The following EDC3 variants were observed in gnomAD, a reference collection of about 807,000 sequenced individuals.
EDC3 encodes the protein enhancer of mRNA decapping 3, also known as enhancer of mRNA-decapping protein 3.
In EDC3, 20 loss-of-function variants were observed where a neutral mutation model predicts 41.8. The ratio of observed to expected loss-of-function variants is 0.48; its 90% CI spans 0.34 to 0.70. The LOEUF (loss-of-function observed/expected upper bound fraction) is 0.70. EDC3 is among the 30% of genes least tolerant of loss of function. The probability of loss-of-function intolerance (pLI) is 0.01; values close to 1 mark genes in which losing one functional copy is unlikely to be tolerated. For missense variants in EDC3, 444 were observed against 636.8 expected (o/e 0.70, Z 3.26); for synonymous variants, 206 against 243.2 (o/e 0.85, Z 1.42).
intron 1 of EDC3, among the ~76,000 whole-genome samples, chr15:74,678,599 G>A (rs530637449): frequency 1.3e-5 from 2 of 152,224 alleles, no homozygotes; most frequent in South Asian, 4.1e-4. Context: ...AGAAAACACA[G>A]GGGAATGAGG....
Position 74,654,789 on chromosome 15 carries a change from T to TA in EDC3, c.820+943dup, listed in dbSNP as rs938673628. Among the ~76,000 whole-genome samples, 33 of 150,140 alleles carry TA rather than the reference T, an allele frequency of 2.2e-4. 1 individual carries two copies. The highest frequency in any genetic ancestry group is 6.3e-4 in the South Asian group (3 of 4,734). ...TACAACAGAGTCCTACTATTATCTA[T>TA]AAAAAAAAAGCCATGTCTGGCTTTC... is the stretch of plus-strand genomic sequence containing the variant. On this transcript the variant is annotated intron_variant, in intron 4 of 6. Coordinates refer to ENST00000315127, the MANE Select transcript of EDC3 (RefSeq NM_025083.5).
intron 5 of EDC3, chr15:74,638,919 C>T (rs1596301598): frequency 6.6e-6 from 1 of 151,370 alleles, no homozygotes; most frequent in East Asian, 1.9e-4. Flanking sequence ...AACAACAACA[C>T]CCATCTGTCC....
At chr15:74,645,327 G>A (rs1356379577) in intron 4 of EDC3, 1 of 151,718 alleles carries the variant, frequency 6.6e-6, no homozygotes, top group East Asian at 1.9e-4. Context: ...GTTGTGTAGA[G>A]CAATATATAT....
At chr15:74,648,628 G>A (rs989568069) in intron 4 of EDC3, among the ~76,000 whole-genome samples, 3 of 152,152 alleles carry the variant, frequency 2.0e-5, no homozygotes, top group Non-Finnish European at 2.9e-5. Context: ...CCTCACTCAA[G>A]CTTAACTGGA....
At chr15:74,649,301 TA>T (rs1390268549) in intron 4 of EDC3, among the ~76,000 whole-genome samples, 2 of 152,196 alleles carry the variant, frequency 1.3e-5, no homozygotes, top group South Asian at 4.2e-4. Context: ...TTTTTATTTT[TA>T]TTTTTTTGTA....
In EDC3 at chr15:74,671,014, G is replaced by A. The variant is rs1253858020; in HGVS notation, c.484+441C>T. 6.6e-6 allele frequency among the ~76,000 whole-genome samples: 1 copy of A among 151,910 alleles called. No homozygotes were observed. Among genetic ancestry groups the A allele is most frequent in the African/African-American group, 2.4e-5 (1 of 41,362 alleles). On this transcript the variant is annotated intron_variant, in intron 3 of 6. Coordinates refer to ENST00000315127, the MANE Select transcript of EDC3 (RefSeq NM_025083.5). The surrounding 1 kb of genome is among the most constrained non-coding windows in gnomAD (Gnocchi z 4.6). Reference sequence around the variant, plus strand: ...AACTCAAACACTACTACCAACATCAGTAACAGGATTTAAGTTTTTTTTTTT... The same window carrying A: ...AACTCAAACACTACTACCAACATCAATAACAGGATTTAAGTTTTTTTTTTT...
intron 1 of EDC3, 71 bp from the exon 2 acceptor site, chr15:74,675,213 A>C: frequency 7.1e-7 from 1 of 1,414,302 alleles, no homozygotes; most frequent in Non-Finnish European, 9.8e-7. Context: ...CAGCAAATAT[A>C]TCAGGCTCTG....
intron 2 of EDC3, among the ~76,000 whole-genome samples, chr15:74,673,952 A>G (rs2062771974): frequency 6.6e-6 from 1 of 152,184 alleles, no homozygotes; most frequent in African/African-American, 2.4e-5. Flanking sequence ...GAGTAATTCA[A>G]TCTTAACAGG....
chr15:74,667,732 G>T (rs761849788), intron 3 of EDC3, among the ~76,000 whole-genome samples: 10 of 152,108 alleles, frequency 6.6e-5, no homozygotes, highest in Non-Finnish European at 1.3e-4. Context: ...AAATACCCAT[G>T]AGTACATGCT....
intron 3 of EDC3, among the ~76,000 whole-genome samples, chr15:74,660,711 G>T (rs1164601050): frequency 6.6e-6 from 1 of 152,016 alleles, no homozygotes; most frequent in Non-Finnish European, 1.5e-5. Context: ...CTCTTCAGTG[G>T]GTATGTGTTT....
At chr15:74,647,161 C>T (rs1342153858) in intron 4 of EDC3, among the ~76,000 whole-genome samples, 1 of 152,102 alleles carries the variant, frequency 6.6e-6, no homozygotes, top group Non-Finnish European at 1.5e-5. Flanking sequence ...AGGCATGTGC[C>T]ACCACGGATA....
intron 1 of EDC3, among the ~76,000 whole-genome samples, chr15:74,688,839 G>A (rs376615381): frequency 3.3e-5 from 5 of 151,894 alleles, no homozygotes; most frequent in East Asian, 3.9e-4. Context: ...CTGGGGAGGC[G>A]GAGGTTGCAG....
chr15:74,681,703 C>CA (rs2062872491), intron 1 of EDC3, among the ~76,000 whole-genome samples: 1 of 151,970 alleles, frequency 6.6e-6, no homozygotes, highest in Admixed American at 6.6e-5. Context: ...AATCCATCAG[C>CA]AAAAAAATGA....
intron 4 of EDC3, chr15:74,644,454 T>A (rs2062389556): frequency 6.6e-6 from 1 of 152,170 alleles, no homozygotes; most frequent in Non-Finnish European, 1.5e-5. Flanking sequence ...AAGTGGTAGT[T>A]GAACAATGAG....
intron 3 of EDC3, among the ~76,000 whole-genome samples, chr15:74,663,665 G>A (rs2062646506): frequency 6.8e-6 from 1 of 147,444 alleles, no homozygotes; most frequent in African/African-American, 2.5e-5. Context: ...GGAGGAGAGA[G>A]TGCAGCATAG....
At chr15:74,676,864 C>T (rs956117847) in intron 1 of EDC3, 3 of 152,110 alleles carry the variant, frequency 2.0e-5, no homozygotes, top group Non-Finnish European at 4.4e-5. Context: ...GGCAGGCAAG[C>T]ATATGAAAAG....
rs145789135 is a variant in EDC3, at chr15:74,632,029, G to C, written c.*583C>G. 1 of 154,828 alleles carries C rather than the reference G, an allele frequency of 6.5e-6. No homozygotes were observed. Among genetic ancestry groups the C allele is most frequent in the East Asian group, 1.9e-4 (1 of 5,202 alleles). The allele number at this position is 154,828 out of a possible 1,614,324, so 9.6% of individuals were successfully genotyped here. On this transcript the variant is annotated 3_prime_UTR_variant, in exon 7 of 7. Coordinates refer to ENST00000315127, the MANE Select transcript of EDC3 (RefSeq NM_025083.5). The surrounding 1 kb of genome is among the most constrained non-coding windows in gnomAD (Gnocchi z 4.0). ...CTTGGAAAAATCAGCATAAAACTTG[G>C]ATCAGCTCAGGAGTAAGGGTCAAAA...
At chr15:74,657,087 G>A (rs2062558573) in intron 3 of EDC3, among the ~76,000 whole-genome samples, 1 of 152,176 alleles carries the variant, frequency 6.6e-6, no homozygotes, top group Admixed American at 6.5e-5. Flanking sequence ...CAAAAGCTCA[G>A]AAGCCATGAG....
At chr15:74,646,059 G>GTTT (rs1030593171) in intron 4 of EDC3, among the ~76,000 whole-genome samples, 1 of 133,392 alleles carries the variant, frequency 7.5e-6, no homozygotes, top group Non-Finnish European at 1.6e-5. Flanking sequence ...TGTTGTTGTT[G>GTTT]TTTTGTTTTT....
Sources: allele counts gnomAD v4.1 joint callset (sites outside exome capture counted in the v4.1 genomes callset), GRCh38; gene constraint gnomAD v4.1.1; non-coding constraint Gnocchi (gnomAD v3.1); transcripts MANE v1.5; gene names NCBI Gene and HGNC (gene_info 2026-07-23, HGNC 2026-07-21).